WDPCP: variants seen among roughly 807,000 people sequenced by gnomAD.
WDPCP encodes the protein WD repeat-containing and planar cell polarity effector protein fritz homolog.
WDPCP carries 71 observed loss-of-function variants against 93.1 expected under a neutral mutation model. The ratio of observed to expected loss-of-function variants is 0.76; its 90% CI spans 0.63 to 0.93. The LOEUF is 0.93. Ranked by LOEUF, WDPCP falls within the 40% of genes least tolerant of loss-of-function variation. The pLI is 0.00. For missense variants in WDPCP, 844 were observed against 887.4 expected, an observed-to-expected ratio of 0.95 and a Z score of 0.62; for synonymous variants, 315 against 315.0, an observed-to-expected ratio of 1.00 and a Z score of 0.00.
intron 1 of WDPCP, among the ~76,000 whole-genome samples, chr2:63,496,654 G>T (rs976121128): frequency 6.6e-5 from 10 of 152,128 alleles, no homozygotes; most frequent in Admixed American, 2.0e-4. Flanking sequence ...GGTGGTGGGA[G>T]GACTGAGAAA....
At chr2:63,210,794 C>T (rs1041110161) in intron 14 of WDPCP, among the ~76,000 whole-genome samples, 2 of 152,218 alleles carry the variant, frequency 1.3e-5, no homozygotes, top group African/African-American at 4.8e-5. Flanking sequence ...GCAAATGGCA[C>T]ACCAGGAGAT....
At chr2:63,141,442 C>T (rs1197312347) in intron 17 of WDPCP, among the ~76,000 whole-genome samples, 2 of 152,198 alleles carry the variant, frequency 1.3e-5, no homozygotes, top group Non-Finnish European at 2.9e-5. Flanking sequence ...GTTAAACCAT[C>T]CCTACATCCC....
chr2:63,762,912 G>A (rs1031040513), intron 2 of WDPCP, among the ~76,000 whole-genome samples: 1 of 152,070 alleles, frequency 6.6e-6, no homozygotes, highest in African/African-American at 2.4e-5. Context: ...AACAATGAAG[G>A]TGGTATATAA....
intron 2 of WDPCP, among the ~76,000 whole-genome samples, chr2:63,737,599 G>A (rs1257015855): frequency 1.3e-5 from 2 of 152,090 alleles, no homozygotes; most frequent in African/African-American, 2.4e-5. Flanking sequence ...ACTGGGATGA[G>A]TTCTTTCCTG....
chr2:63,732,643 CAG>C (rs1197428252), intron 2 of WDPCP, among the ~76,000 whole-genome samples: 2 of 151,822 alleles, frequency 1.3e-5, no homozygotes, highest in Non-Finnish European at 2.9e-5. Context: ...AAATATAAAA[CAG>C]AAATATCTTA....
Position 63,404,614 on chromosome 2 carries a change from C to G in WDPCP, c.869G>C (p.Arg290Pro). The G allele has an allele frequency of 6.2e-7, 1 of 1,614,032 alleles. No homozygotes were observed. Among genetic ancestry groups the G allele is most frequent in the Non-Finnish European group, 8.5e-7 (1 of 1,179,958 alleles). Residue 290 changes from arginine (R) to proline (P), a missense_variant, in exon 10 of 18, where the codon CGC (arginine) becomes CCC (proline). Transcript: ENST00000272321. ...CTGATAAGGCTGTTTGGTGCCAAAG[C>G]GAACATCCAGTGGGTCCCATTCTGT... Reference protein sequence around the residue: ...VRTEWDPLDVRFGTKQPYQVF... With the variant: ...VRTEWDPLDVPFGTKQPYQVF...
Position 63,153,539 on chromosome 2 carries a change from T to A in WDPCP, c.2114A>T (p.Asp705Val). ...AGTCATCAAAAATCCAGAACAGATG[T>A]CTTTTTCAAGTTCATTCCTTCTGTC... The part of the protein sequence containing the change: ...IIDRRNELEK[D>V]ICSGFLMTNT... Residue 705 changes from aspartate (D) to valine (V), a missense_variant, in exon 16 of 18, where the codon GAC (aspartate) becomes GTC (valine). Physicochemically the swap from Asp to Val is radical, Grantham distance 152. Coordinates refer to ENST00000272321, the MANE Select transcript of WDPCP (RefSeq NM_015910.7). 1.2e-6 allele frequency: 2 copies of A among 1,612,672 alleles called. No homozygotes were observed. The highest frequency in any genetic ancestry group is 2.2e-5 in the South Asian group (2 of 90,932).
At chr2:63,609,530 G>T (rs1423505342) in intron 3 of WDPCP, among the ~76,000 whole-genome samples, 1 of 152,060 alleles carries the variant, frequency 6.6e-6, no homozygotes, top group Non-Finnish European at 1.5e-5. Context: ...AAAAACAAAT[G>T]AATCAAACAT....
chr2:63,786,320 T>G (rs1205176756), intron 2 of WDPCP, among the ~76,000 whole-genome samples: 2 of 152,136 alleles, frequency 1.3e-5, no homozygotes, highest in Admixed American at 6.6e-5. Context: ...CCTCATTTTG[T>G]TTTTTTATGT....
intron 15 of WDPCP, among the ~76,000 whole-genome samples, chr2:63,173,588 A>G (rs1673567665): frequency 6.6e-6 from 1 of 152,232 alleles, no homozygotes; most frequent in South Asian, 2.1e-4. Context: ...AGGCAAGAAA[A>G]TAAGAGACTT....
intron 2 of WDPCP, among the ~76,000 whole-genome samples, chr2:63,742,373 G>T (rs1014880110): frequency 6.6e-6 from 1 of 151,878 alleles, no homozygotes; most frequent in Non-Finnish European, 1.5e-5. Context: ...TAATTAAAGT[G>T]CCATGTAACT....
chr2:63,593,612 A>G (rs1291650448), upstream of WDPCP: 1 of 471,726 alleles, frequency 2.1e-6, no homozygotes, highest in Admixed American at 2.3e-5. Context: ...ACATCAGTGG[A>G]CCATTTCTCC....
intron 10 of WDPCP, among the ~76,000 whole-genome samples, chr2:63,389,873 C>T (rs932033729): frequency 5.9e-5 from 9 of 152,110 alleles, no homozygotes; most frequent in Non-Finnish European, 1.2e-4. Context: ...GCACCCAATA[C>T]AGGAGCACCC....
intron 12 of WDPCP, among the ~76,000 whole-genome samples, chr2:63,340,986 A>G (rs1342802235): frequency 6.6e-6 from 1 of 152,188 alleles, no homozygotes; most frequent in Admixed American, 6.5e-5. Flanking sequence ...AAATTTGACA[A>G]TGTGATTTCT....
chr2:63,244,995 A>G (rs1680160919), intron 14 of WDPCP, among the ~76,000 whole-genome samples: 1 of 152,086 alleles, frequency 6.6e-6, no homozygotes, highest in Admixed American at 6.6e-5. Flanking sequence ...AAAACCTCAT[A>G]TTTTTTTGAG....
intron 1 of WDPCP, among the ~76,000 whole-genome samples, chr2:63,548,665 C>CTT (rs112993940): frequency 2.1e-5 from 3 of 144,612 alleles, no homozygotes; most frequent in African/African-American, 7.6e-5. Context: ...ATTTTCTTTC[C>CTT]TTTTTTTTTT....
intron 3 of WDPCP, chr2:63,597,509 G>T (rs1170800043): frequency 2.0e-6 from 3 of 1,514,618 alleles, no homozygotes; most frequent in Non-Finnish European, 1.8e-6. Context: ...TTTACTGAAA[G>T]CAAATGTGAA....
chr2:63,681,496 T>A (rs1012209616), intron 2 of WDPCP, among the ~76,000 whole-genome samples: 5 of 152,184 alleles, frequency 3.3e-5, no homozygotes, highest in African/African-American at 1.2e-4. Flanking sequence ...GGACTGCATC[T>A]TTTGGTTTGA....
intron 6 of WDPCP, among the ~76,000 whole-genome samples, chr2:63,467,427 C>A (rs1376813990): frequency 2.0e-5 from 3 of 151,534 alleles, no homozygotes; most frequent in Admixed American, 6.6e-5. Context: ...TTGGAGTGAG[C>A]CGAGATTGCA....
Sources: allele counts gnomAD v4.1 joint callset (sites outside exome capture counted in the v4.1 genomes callset), GRCh38; gene constraint gnomAD v4.1.1; transcripts MANE v1.5; gene names NCBI Gene and HGNC (gene_info 2026-07-23, HGNC 2026-07-21).